Variants in SOX6 observed in about 807,000 individuals in gnomAD.
SOX6 encodes transcription factor SOX-6.
In SOX6, 11 loss-of-function variants were observed where a neutral mutation model predicts 97.8. That is an observed-to-expected ratio of 0.11 (90% CI 0.07 to 0.19). The LOEUF is 0.19. Ranked by LOEUF, SOX6 falls within the 10% of genes least tolerant of loss-of-function variation. The pLI, the probability that SOX6 is intolerant of heterozygous loss-of-function variation, is 1.00. For missense variants in SOX6, 810 were observed against 1,039.5 expected (o/e 0.78, Z 3.04); for synonymous variants, 360 against 371.4 (o/e 0.97, Z 0.35).
At chr11:16,309,802 C>T (rs1040884192) in intron 3 of SOX6, among the ~76,000 whole-genome samples, 1 of 152,040 alleles carries the variant, frequency 6.6e-6, no homozygotes, top group African/African-American at 2.4e-5. Context: ...CTATTATTTC[C>T]TGAGACTCCC....
intron 3 of SOX6, 35 bp downstream of exon 3, chr11:16,318,411 A>G (rs2134301954): frequency 6.2e-7 from 1 of 1,609,976 alleles, no homozygotes; most frequent in East Asian, 2.2e-5. Context: ...TTTAGAAGAA[A>G]AAAAACAGAG....
At position 16,166,321 on chromosome 11, in the gene SOX6, T is replaced by A. The variant is rs80299303; in HGVS notation, c.777+17565A>T. ...ACCAAATCCTAAGTTTCCAACATTC[T>A]GTTTAATTCATAGCACTATTAACTA... On this transcript the variant is annotated intron_variant, in intron 6 of 15. Coordinates refer to ENST00000683767, the MANE Select transcript of SOX6 (RefSeq NM_001367873.1). Among the ~76,000 whole-genome samples, 1,259 of 152,352 alleles carry A rather than the reference T, an allele frequency of 8.3e-3. 21 individuals carry two copies. The highest frequency in any genetic ancestry group is 0.028 in the African/African-American group (1,175 of 41,590).
chr11:16,218,379 C>A (rs1186843382), intron 4 of SOX6, among the ~76,000 whole-genome samples: 1 of 152,048 alleles, frequency 6.6e-6, no homozygotes. Context: ...ATACTACAAA[C>A]AATTGCAACT....
intron 4 of SOX6, among the ~76,000 whole-genome samples, chr11:16,505,686 A>G (rs1385963670): frequency 6.6e-6 from 1 of 152,198 alleles, no homozygotes; most frequent in East Asian, 1.9e-4. Flanking sequence ...AAACACCTGG[A>G]TGCCTAGAAG....
intron 4 of SOX6, among the ~76,000 whole-genome samples, chr11:16,583,939 A>G (rs1273432274): frequency 2.6e-5 from 4 of 151,956 alleles, no homozygotes; most frequent in African/African-American, 7.2e-5. Context: ...CTTTTTGATT[A>G]TAGCCATACT....
At position 16,607,631 on chromosome 11, in the gene SOX6, G is replaced by A. The variant is rs1413397228; in HGVS notation, n.609+4450C>T. Reference sequence around the variant, plus strand: ...CGGGGTTCCAGGAGGTGCGCGCGGAGCGGGGTGACTAGGGGCTTCACCCTG... The same window carrying A: ...CGGGGTTCCAGGAGGTGCGCGCGGAACGGGGTGACTAGGGGCTTCACCCTG... On this transcript the variant is annotated intron_variant and non_coding_transcript_variant, in intron 4 of 5. Transcript: ENST00000524520. This position sits in a 1 kb window ranked among gnomAD's most constrained non-coding sequence, Gnocchi z 6.5. 3.3e-5 allele frequency: 5 copies of A among 152,518 alleles called. No individual in the cohort carries two copies. Among genetic ancestry groups the A allele is most frequent in the African/African-American group, 1.2e-4 (5 of 41,602 alleles). The allele number at this position is 152,518 out of a possible 1,614,324, so 9.4% of individuals were successfully genotyped here.
intron 9 of SOX6, among the ~76,000 whole-genome samples, chr11:16,079,366 C>T (rs908440323): frequency 6.6e-6 from 1 of 152,092 alleles, no homozygotes; most frequent in Non-Finnish European, 1.5e-5. Flanking sequence ...TATTCGAATG[C>T]TATTTTTTCA....
intron 3 of SOX6, among the ~76,000 whole-genome samples, chr11:16,246,657 C>A (rs1287068372): frequency 6.6e-6 from 1 of 151,990 alleles, no homozygotes; most frequent in African/African-American, 2.4e-5. Flanking sequence ...GACTCTCTTT[C>A]ATTTGTTTCC....
At chr11:16,040,946 T>C (rs1855645752) in intron 12 of SOX6, among the ~76,000 whole-genome samples, 1 of 152,116 alleles carries the variant, frequency 6.6e-6, no homozygotes, top group Admixed American at 6.6e-5. Context: ...AAATGTTTTT[T>C]AAACAGTGAC....
At chr11:16,732,867 G>A (rs1345125757) in intron 2 of SOX6, among the ~76,000 whole-genome samples, 1 of 152,050 alleles carries the variant, frequency 6.6e-6, no homozygotes, top group African/African-American at 2.4e-5. Context: ...TCCAGAATCT[G>A]CACAGAACTT....
intron 12 of SOX6, among the ~76,000 whole-genome samples, chr11:16,031,678 G>A (rs1247664110): frequency 6.6e-6 from 1 of 152,060 alleles, no homozygotes; most frequent in East Asian, 1.9e-4. Flanking sequence ...CCTAACTGCA[G>A]TAGGCTGTAA....
intron 4 of SOX6, among the ~76,000 whole-genome samples, chr11:16,568,278 G>A (rs1347259661): frequency 1.3e-5 from 2 of 152,160 alleles, no homozygotes; most frequent in Non-Finnish European, 2.9e-5. Context: ...GATCTGTAGT[G>A]ATGTGCTATA....
chr11:16,666,715 T>G (rs1223215393), intron 3 of SOX6, among the ~76,000 whole-genome samples: 1 of 152,044 alleles, frequency 6.6e-6, no homozygotes, highest in African/African-American at 2.4e-5. Context: ...GAGAATCACT[T>G]GAACCTAGGA....
intron 1 of SOX6, among the ~76,000 whole-genome samples, chr11:16,381,218 T>G (rs1243510898): frequency 6.6e-6 from 1 of 151,982 alleles, no homozygotes. Flanking sequence ...GCTGACATCC[T>G]TGATAGTGAA....
Position 16,095,998 on chromosome 11 carries a change from C to T in SOX6, c.1099G>A (p.Glu367Lys). 2.5e-6 allele frequency: 4 copies of T among 1,609,438 alleles called. No individual in the cohort carries two copies. The highest frequency in any genetic ancestry group is 3.4e-6 in the Non-Finnish European group (4 of 1,177,322). ...AGCATCAATGGAAGCATTCATACCT[C>T]AATCTGTTTGTGGTTGTAAGAGTGG... ...GGHSYNHKQI[E>K]QLYAAQLASM... Residue 367 changes from glutamate to lysine, a missense_variant and splice_region_variant, in exon 9 of 16, where the codon GAG (glutamate) becomes AAG (lysine). Around this residue, in one of 9 missense-constraint regions of SOX6, gnomAD observed 244 missense variants for 261.0 expected, o/e 0.93. Coordinates refer to ENST00000683767, the MANE Select transcript of SOX6 (RefSeq NM_001367873.1).
At position 16,438,899 on chromosome 11, in the gene SOX6, T is replaced by G. The variant is rs982997925; in HGVS notation, c.-5+37416A>C. On this transcript the variant is annotated intron_variant, in intron 1 of 15. Transcript: ENST00000396356. The stretch of plus-strand genomic sequence containing the variant: ...TCCTACCCTTTAAATGCCACAGAAG[T>G]AACCTTATAATAACCTTCTGACAAG... Among the ~76,000 whole-genome samples the G allele has an allele frequency of 1.5e-4, 23 of 152,120 alleles. 1 individual carries two copies. Among genetic ancestry groups the G allele is most frequent in the Admixed American group, 7.2e-4 (11 of 15,260 alleles).
intron 3 of SOX6, among the ~76,000 whole-genome samples, chr11:16,622,682 G>A (rs758313422): frequency 1.4e-4 from 22 of 152,124 alleles, no homozygotes; most frequent in Non-Finnish European, 2.9e-4. Flanking sequence ...GGGTGTTTGG[G>A]CTGGTACCAT....
chr11:16,046,652 T>C lies in SOX6; in HGVS notation c.1485A>G (p.Thr495=), dbSNP rs889142008. ...GCGCCTCCTGAATGGCTTTCATCACTGTATCCTGATCCCCAAAAAGGGCAG... is the reference window on the plus strand; with the variant it reads ...GCGCCTCCTGAATGGCTTTCATCACCGTATCCTGATCCCCAAAAAGGGCAG... The part of the protein sequence containing the change: ...NSPALFGDQD[T]VMKAIQEARK... Residue 495 remains threonine, a synonymous_variant, in exon 12 of 16, where the codon ACA becomes ACG. Transcript: ENST00000683767. 1.9e-6 allele frequency: 3 copies of C among 1,613,660 alleles called. No individual in the cohort carries two copies. The highest frequency in any genetic ancestry group is 1.3e-5 in the African/African-American group (1 of 74,902).
intron 4 of SOX6, among the ~76,000 whole-genome samples, chr11:16,548,022 G>A (rs1001104843): frequency 7.9e-5 from 12 of 152,122 alleles, no homozygotes; most frequent in East Asian, 3.9e-4. Flanking sequence ...AAAAGCAGCC[G>A]CATGGGGAAA....
Sources: gnomAD v4.1 joint callset for allele counts (sites outside exome capture counted in the v4.1 genomes callset) on GRCh38, gnomAD v4.1.1 for gene constraint, gnomAD v4.1.1 regional missense constraint, Gnocchi (gnomAD v3.1) non-coding constraint, MANE v1.5 for transcripts, NCBI Gene and HGNC (gene_info 2026-07-23, HGNC 2026-07-21) for gene names.